Variants in TPP1 observed in about 807,000 individuals in gnomAD.
TPP1 encodes tripeptidyl-peptidase 1.
A neutral mutation model predicts 67.6 loss-of-function variants in TPP1; 43 were observed. The ratio of observed to expected loss-of-function variants is 0.64; its 90% CI spans 0.50 to 0.82. TPP1 has a LOEUF of 0.82. Among genes scored for constraint, TPP1 ranks in the 40% least tolerant of loss-of-function variants. The pLI, the probability that TPP1 is intolerant of heterozygous loss-of-function variation, is 0.00. For missense variants in TPP1, 671 were observed against 710.9 expected, an observed-to-expected ratio of 0.94 and a Z score of 0.64; for synonymous variants, 272 against 281.5, an observed-to-expected ratio of 0.97 and a Z score of 0.34.
intron 5 of TPP1, 63 bp downstream of exon 5, chr11:6,617,238 A>C (rs1315856698): frequency 6.2e-6 from 10 of 1,613,656 alleles, no homozygotes; most frequent in Non-Finnish European, 8.5e-6. Flanking sequence ...CCCCAATGGC[A>C]TCTAAACTTC....
At position 6,615,521 on chromosome 11, in the gene TPP1, G is replaced by T; in HGVS notation, c.1187C>A (p.Pro396His). Reference sequence around the variant, plus strand: ...AACAATTTCATTTGTGATGAGGAAAGGTTCCTGGAAGGATGTGCCTCCCAC... The same window carrying T: ...AACAATTTCATTTGTGATGAGGAAATGTTCCTGGAAGGATGTGCCTCCCAC... ...TTVGGTSFQE[P>H]FLITNEIVDY... Residue 396 changes from proline (P) to histidine (H), a missense_variant, in exon 10 of 13, where the codon CCT (proline) becomes CAT (histidine). Coordinates refer to ENST00000299427, the MANE Select transcript of TPP1 (RefSeq NM_000391.4). The T allele has an allele frequency of 1.9e-6, 3 of 1,614,206 alleles. No individual in the cohort carries two copies. Among genetic ancestry groups the T allele is most frequent in the Non-Finnish European group, 2.5e-6 (3 of 1,180,042 alleles).
chr11:6,617,282 T>A lies in TPP1; in HGVS notation c.508+19A>T, dbSNP rs2066436154. The A allele has an allele frequency of 6.2e-7, 1 of 1,613,892 alleles. No homozygotes were observed. Among genetic ancestry groups the A allele is most frequent in the Non-Finnish European group, 8.5e-7 (1 of 1,179,934 alleles). On this transcript the variant is annotated intron_variant, in intron 5 of 12. Coordinates refer to ENST00000299427, the MANE Select transcript of TPP1 (RefSeq NM_000391.4). ...CTGGATCTGTGTGCCCCAACCCCCATTCACCCCATAGGTGTTACCAAAGTC... is the reference window on the plus strand; with the variant it reads ...CTGGATCTGTGTGCCCCAACCCCCAATCACCCCATAGGTGTTACCAAAGTC...
intron 4 of TPP1, 67 bp from the exon 5 acceptor site, chr11:6,617,495 C>G: frequency 6.2e-7 from 1 of 1,613,588 alleles, no homozygotes; most frequent in Non-Finnish European, 8.5e-7. Flanking sequence ...CTGAGCATCC[C>G]TGGGCAGTCA....
At chr11:6,619,058 A>T in intron 2 of TPP1, 138 bp downstream of exon 2, 1 of 1,469,752 alleles carries the variant, frequency 6.8e-7, no homozygotes, top group East Asian at 2.3e-5. Context: ...ATGATAGGGG[A>T]CTGAGGCTAG....
Position 6,616,046 on chromosome 11 carries a change from G to A in TPP1, c.1104C>T (p.Val368=), listed in dbSNP as rs528380320. 2.5e-6 allele frequency: 4 copies of A among 1,614,194 alleles called. No homozygotes were observed. The South Asian group carries it at 3.3e-5, about 13-fold the overall frequency. The change falls in exon 9 of 13, where the codon GTC becomes GTT. Residue 368 remains valine (V), a synonymous_variant. Coordinates refer to ENST00000299427, the MANE Select transcript of TPP1 (RefSeq NM_000391.4). ...TAGGGCGGAACTGGTGTCTTCCAGA[G>A]ACAGACCAACACCCGGCCCCACTGT... is the stretch of plus-strand genomic sequence containing the variant. ...SGDSGAGCWS[V]SGRHQFRPTF... is the part of the protein sequence containing the mutation.
chr11:6,618,972 G>C, intron 2 of TPP1, 57 bp from the exon 3 acceptor site: 1 of 1,604,418 alleles, frequency 6.2e-7, no homozygotes, highest in Non-Finnish European at 8.5e-7. Flanking sequence ...GGAAAATATT[G>C]GTCATGGAAG....
rs754540584 is a variant in TPP1 at position 6,619,236 on chromosome 11, C to T, written c.49G>A (p.Gly17Ser). Reference sequence around the variant, plus strand: ...GGCTCCGGGCTGTAACTGCATTTGCCAGAGAGGATGAGGGCAAAGAGCCCT... The same window carrying T: ...GGCTCCGGGCTGTAACTGCATTTGCTAGAGAGGATGAGGGCAAAGAGCCCT... ...LLGLFALILS[G>S]KCSYSPEPDQ... Residue 17 changes from glycine (G) to serine (S), a missense_variant, in exon 2 of 13, where the codon GGC becomes AGC. Physicochemically the swap from Gly to Ser is moderately conservative, Grantham distance 56. Transcript: ENST00000299427. The T allele has an allele frequency of 6.2e-7, 1 of 1,614,138 alleles. No individual in the cohort carries two copies. Among genetic ancestry groups the T allele is most frequent in the South Asian group, 1.1e-5 (1 of 91,072 alleles).
chr11:6,615,738 G>T, intron 9 of TPP1, 176 bp from the exon 10 acceptor site: 1 of 869,902 alleles, frequency 1.1e-6, no homozygotes, highest in Non-Finnish European at 1.8e-6. Context: ...AGGTGACTGT[G>T]CACACTTTTC....
In TPP1 at chr11:6,615,952, G is replaced by A; in HGVS notation, c.1145+53C>T. ...TCAAGACAAAGGTTCTACATCATGA[G>A]ATCACAAGTGAAAGGTGGTGGTTAT... is the stretch of plus-strand genomic sequence containing the variant. On this transcript the variant is annotated intron_variant, in intron 9 of 12. Transcript: ENST00000299427. 2.5e-6 allele frequency: 4 copies of A among 1,587,322 alleles called. No individual in the cohort carries two copies. In the South Asian group the frequency reaches 3.3e-5, roughly 13 times the overall value.
At chr11:6,618,578 G>A (rs1430355570) in intron 3 of TPP1, 198 bp downstream of exon 3, 5 of 691,366 alleles carry the variant, frequency 7.2e-6, no homozygotes, top group Non-Finnish European at 1.2e-5. Context: ...ATGCCTGGTA[G>A]CTAGTAAGTA....
chr11:6,615,500 A>ATT lies in TPP1; in HGVS notation c.1206_1207dup (p.Ile403LysfsTer25). On this transcript the variant is annotated frameshift_variant, in exon 10 of 13. Transcript: ENST00000299427. LOFTEE classifies it high-confidence loss of function. ...GCCACCACCACTGATATAGTCAACA[A>ATT]TTTCATTTGTGATGAGGAAAGGTTC... is the stretch of plus-strand genomic sequence containing the variant. The ATT allele has an allele frequency of 6.2e-7, 1 of 1,614,160 alleles. No individual in the cohort carries two copies. The highest frequency in any genetic ancestry group is 1.1e-5 in the South Asian group (1 of 91,078).
At chr11:6,619,160 A>G in intron 2 of TPP1, 36 bp downstream of exon 2, 1 of 1,611,462 alleles carries the variant, frequency 6.2e-7, no homozygotes, top group Non-Finnish European at 8.5e-7. Flanking sequence ...AGAACAGGGT[A>G]TGGGGAAGGG....
rs1554902028 is a variant in TPP1, at chr11:6,617,352, A to G, written c.457T>C (p.Ser153Pro). The change falls in exon 5 of 13, where the codon TCC becomes CCC. Residue 153 changes from serine (S) to proline (P), a missense_variant. Physicochemically the swap from Ser to Pro is moderately conservative, Grantham distance 74. Coordinates refer to ENST00000299427, the MANE Select transcript of TPP1 (RefSeq NM_000391.4). ...GGPTETHVVR[S>P]PHPYQLPQAL... The stretch of plus-strand genomic sequence containing the variant: ...TGTGGAAGCTGGTAGGGATGTGGGG[A>G]CCTTACAACATGGGTTTCCGTAGGT... The G allele has an allele frequency of 1.2e-6, 2 of 1,614,014 alleles. No individual in the cohort carries two copies. The highest frequency in any genetic ancestry group is 1.7e-6 in the Non-Finnish European group (2 of 1,179,990).
At chr11:6,618,971 T>C in intron 2 of TPP1, 56 bp from the exon 3 acceptor site, 1 of 1,605,506 alleles carries the variant, frequency 6.2e-7, no homozygotes, top group Non-Finnish European at 8.5e-7. Flanking sequence ...TGGAAAATAT[T>C]GGTCATGGAA....
In TPP1 at chr11:6,617,055, AG is replaced by A. The variant is rs1422121082; in HGVS notation, c.606del (p.Ser203LeufsTer2). On this transcript the variant is annotated frameshift_variant, in exon 6 of 13. Coordinates refer to ENST00000299427, the MANE Select transcript of TPP1 (RefSeq NM_000391.4). LOFTEE classifies it high-confidence loss of function. ...GTVGLHLGVT[P>X]SVIRKRYNLT... ...AAGTTGTATCGCTTACGGATCACAG[AG>A]GGGGTTACCCCCAGATGCAGGCCTA... 1 of 1,614,122 alleles carries A rather than the reference AG, an allele frequency of 6.2e-7. No homozygotes were observed. The highest frequency in any genetic ancestry group is 1.1e-5 in the South Asian group (1 of 91,084).
At chr11:6,615,390 G>T in intron 10 of TPP1, 52 bp downstream of exon 10, 1 of 1,614,124 alleles carries the variant, frequency 6.2e-7, no homozygotes, top group Non-Finnish European at 8.5e-7. Context: ...GCTGAACTGA[G>T]GATCCCCCAT....
chr11:6,616,293 T>C (rs758499111), intron 8 of TPP1, 22 bp downstream of exon 8: 8 of 1,612,750 alleles, frequency 5.0e-6, no homozygotes, highest in Non-Finnish European at 6.8e-6. Context: ...AAGCATTGTC[T>C]AAGTTTAGGG....
At chr11:6,614,818 TC>T (rs775475881) in intron 12 of TPP1, 47 bp downstream of exon 12, 10 of 1,613,698 alleles carry the variant, frequency 6.2e-6, no homozygotes, top group South Asian at 5.5e-5. Context: ...CCCTTAGCAC[TC>T]CCCATAGTTG....
At chr11:6,614,813 A>T in intron 12 of TPP1, 53 bp downstream of exon 12, 1 of 1,613,926 alleles carries the variant, frequency 6.2e-7, no homozygotes, top group Non-Finnish European at 8.5e-7. Flanking sequence ...AGTCCCCCTT[A>T]GCACTCCCCA....
Sources: gnomAD v4.1 joint callset for allele counts on GRCh38, gnomAD v4.1.1 for gene constraint, MANE v1.5 for transcripts, NCBI Gene and HGNC (gene_info 2026-07-23, HGNC 2026-07-21) for gene names.